ADD1: variants seen among roughly 807,000 people sequenced by gnomAD.
ADD1 encodes the protein adducin 1.
Under a neutral mutation model 80.5 loss-of-function variants are expected in ADD1, and 24 were observed. That is an observed-to-expected ratio of 0.30 (90% CI 0.22 to 0.42). The LOEUF is 0.42. Among genes scored for constraint, ADD1 ranks in the 10% least tolerant of loss-of-function variants. The pLI is 1.00. For missense variants in ADD1, 948 were observed against 1,019.0 expected, an observed-to-expected ratio of 0.93 and a Z score of 0.95; for synonymous variants, 373 against 393.8, an observed-to-expected ratio of 0.95 and a Z score of 0.63.
rs746365939 is a variant in ADD1 at position 2,899,350 on chromosome 4, C to T, written c.1076C>T (p.Pro359Leu). ...YKAKSRSPGS[P>L]VGEGTGSPPK... ...GCCAAGTCCCGTTCCCCAGGGTCTC[C>T]GGTAGGGGAAGGCACTGGATCGCCT... Residue 359 changes from proline to leucine, a missense_variant, in exon 9 of 16, where the codon CCG (proline) becomes CTG (leucine). Pro to Leu is a moderately conservative substitution (Grantham distance 98). Coordinates refer to ENST00000683351, the MANE Select transcript of ADD1 (RefSeq NM_001354761.2). The T allele has an allele frequency of 1.3e-5, 21 of 1,614,036 alleles. No individual in the cohort carries two copies. The highest frequency in any genetic ancestry group is 2.2e-5 in the East Asian group (1 of 44,892).
chr4:2,894,934 A>G (rs1734941894), intron 6 of ADD1, among the ~76,000 whole-genome samples: 1 of 152,122 alleles, frequency 6.6e-6, no homozygotes, highest in South Asian at 2.1e-4. Context: ...TTTAATTTGG[A>G]AAAACATGTA....
chr4:2,881,204 A>G (rs1228952257), intron 2 of ADD1, among the ~76,000 whole-genome samples: 4 of 149,830 alleles, frequency 2.7e-5, no homozygotes, highest in African/African-American at 7.4e-5. Context: ...CAGCCTCCCA[A>G]GTAGCTGGGA....
intron 15 of ADD1, among the ~76,000 whole-genome samples, chr4:2,927,314 A>G (rs1408215550): frequency 6.6e-6 from 1 of 152,178 alleles, no homozygotes; most frequent in African/African-American, 2.4e-5. Context: ...GGCAGCTGGC[A>G]GGGTGGGGGT....
At position 2,852,189 on chromosome 4, in the gene ADD1, T is replaced by TCTTTCTTTC. The variant is rs1553815096; in HGVS notation, c.-21+8180_-21+8188dup. ...TTCTTTCTTTCTTTCTTTCTTTCTT[T>TCTTTCTTTC]CTTTCTTTCCTTTCTTTCCTTTCCT... On this transcript the variant is annotated intron_variant, in intron 1 of 15. Coordinates refer to ENST00000683351, the MANE Select transcript of ADD1 (RefSeq NM_001354761.2). 4.0e-3 allele frequency among the ~76,000 whole-genome samples: 202 copies of TCTTTCTTTC among 50,804 alleles called. 5 individuals are homozygous for TCTTTCTTTC. The highest frequency in any genetic ancestry group is 0.011 in the African/African-American group (160 of 14,552). 33.3% of individuals were successfully genotyped at this position (50,804 alleles called of 152,430 possible). A position where few individuals can be genotyped will look rare whatever the true frequency, so the allele number is the denominator to read the frequency against.
intron 4 of ADD1, among the ~76,000 whole-genome samples, chr4:2,886,816 C>G (rs1733447288): frequency 6.6e-6 from 1 of 152,196 alleles, no homozygotes; most frequent in Non-Finnish European, 1.5e-5. Flanking sequence ...AGGGAAATTG[C>G]TGGCCTCTGT....
chr4:2,894,566 A>G lies in ADD1; in HGVS notation c.592-16A>G, dbSNP rs765924020. 6.5e-7 allele frequency: 1 copy of G among 1,548,904 alleles called. No homozygotes were observed. Among genetic ancestry groups the G allele is most frequent in the South Asian group, 1.2e-5 (1 of 83,636 alleles). On this transcript the variant is annotated splice_polypyrimidine_tract_variant and intron_variant, in intron 5 of 15. Coordinates refer to ENST00000683351, the MANE Select transcript of ADD1 (RefSeq NM_001354761.2). ...AGTCCTCTTGGTATTTTACATTTTT[A>G]TTTTTTTATTTTCAGGTTAAGATCA...
At chr4:2,919,529 A>G (rs1281262963) in intron 14 of ADD1, among the ~76,000 whole-genome samples, 1 of 152,130 alleles carries the variant, frequency 6.6e-6, no homozygotes, top group Non-Finnish European at 1.5e-5. Context: ...TTACTGGTCT[A>G]TTCAGGGGTT....
chr4:2,863,115 T>C (rs551596761), intron 1 of ADD1, among the ~76,000 whole-genome samples: 356 of 152,154 alleles, frequency 2.3e-3, no homozygotes, highest in Admixed American at 6.0e-3. Context: ...AGTGGGATGG[T>C]CATGGCCCAC....
At chr4:2,868,724 A>G (rs1488885166) in intron 1 of ADD1, among the ~76,000 whole-genome samples, 1 of 152,182 alleles carries the variant, frequency 6.6e-6, no homozygotes, top group East Asian at 1.9e-4. Flanking sequence ...TGATGGAGCA[A>G]GTATGTACCC....
At chr4:2,898,649 A>G in intron 8 of ADD1, 118 bp downstream of exon 8, 1 of 877,714 alleles carries the variant, frequency 1.1e-6, no homozygotes, top group Non-Finnish European at 1.9e-6. Flanking sequence ...CTCTTTGCCA[A>G]AGATAAGCTC....
At chr4:2,856,157 G>C (rs943985030) in intron 1 of ADD1, among the ~76,000 whole-genome samples, 1 of 151,606 alleles carries the variant, frequency 6.6e-6, no homozygotes, top group African/African-American at 2.4e-5. Flanking sequence ...CTTCCAAAGT[G>C]CTAGGATTAC....
intron 1 of ADD1, among the ~76,000 whole-genome samples, chr4:2,865,631 GGTCA>G (rs1303498099): frequency 1.3e-5 from 2 of 151,860 alleles, no homozygotes; most frequent in African/African-American, 4.8e-5. Context: ...TGTTTTTTGT[GGTCA>G]GTATTTTAAT....
intron 2 of ADD1, among the ~76,000 whole-genome samples, chr4:2,880,099 G>GT (rs1164349975): frequency 6.6e-6 from 1 of 151,954 alleles, no homozygotes; most frequent in Non-Finnish European, 1.5e-5. Context: ...ACCATGTTTT[G>GT]TTTTTTTCCT....
intron 1 of ADD1, chr4:2,868,189 TG>T (rs1383345345): frequency 2.0e-5 from 3 of 152,052 alleles, no homozygotes; most frequent in African/African-American, 7.2e-5. Flanking sequence ...CTGTAAGCAG[TG>T]GGGGGTTAGA....
rs754954321 is a variant in ADD1, at chr4:2,898,627, T to TATCGAGTAGGAGAGGATAAGCTCAAAGAG, written c.984+96_984+97insATCGAGTAGGAGAGGATAAGCTCAAAGAG. The TATCGAGTAGGAGAGGATAAGCTCAAAGAG allele has an allele frequency of 1.5e-5, 16 of 1,041,032 alleles. No homozygotes were observed. In the African/African-American group the frequency reaches 2.5e-4, roughly 16 times the overall value. 64.5% of individuals were successfully genotyped at this position (1,041,032 alleles called of 1,614,324 possible). ...TGATACTTATCGAGTAGGAGAGGAGTCTTTGAGCAATCTCTTTGCCAAAGA... is the reference window on the plus strand; with the variant it reads ...TGATACTTATCGAGTAGGAGAGGAGTATCGAGTAGGAGAGGATAAGCTCAAAGAGCTTTGAGCAATCTCTTTGCCAAAGA... On this transcript the variant is annotated intron_variant, in intron 8 of 15. Coordinates refer to ENST00000683351, the MANE Select transcript of ADD1 (RefSeq NM_001354761.2).
intron 14 of ADD1, among the ~76,000 whole-genome samples, chr4:2,919,156 C>T (rs1011789646): frequency 2.6e-5 from 4 of 152,162 alleles, no homozygotes; most frequent in African/African-American, 9.7e-5. Flanking sequence ...ATATGTTGAA[C>T]CAGCCTTGCA....
chr4:2,874,710 A>G (rs1205588344), intron 1 of ADD1, among the ~76,000 whole-genome samples: 5 of 152,124 alleles, frequency 3.3e-5, no homozygotes, highest in Non-Finnish European at 5.9e-5. Flanking sequence ...AAAAAAAAAC[A>G]CTAATTTCTT....
chr4:2,919,694 AT>A (rs1439683126), intron 14 of ADD1, among the ~76,000 whole-genome samples: 3 of 151,326 alleles, frequency 2.0e-5, no homozygotes, highest in Non-Finnish European at 4.4e-5. Context: ...CCCCTTTATC[AT>A]TTTTTATTGT....
At chr4:2,852,195 T>TTTCTTTCTTCCTTTCTTCCTTTC (rs1341444750) in intron 1 of ADD1, among the ~76,000 whole-genome samples, 1 of 110,026 alleles carries the variant, frequency 9.1e-6, no homozygotes, top group African/African-American at 3.6e-5. Flanking sequence ...TCTTTCTTTC[T>TTTCTTTCTTCCTTTCTTCCTTTC]TTCCTTTCTT....
Sources: allele counts gnomAD v4.1 joint callset (sites outside exome capture counted in the v4.1 genomes callset), GRCh38; gene constraint gnomAD v4.1.1; transcripts MANE v1.5; gene names NCBI Gene and HGNC (gene_info 2026-07-23, HGNC 2026-07-21).